The following STX18 variants were observed in gnomAD, a reference collection of about 807,000 sequenced individuals.
The protein encoded by STX18 is syntaxin-18.
A neutral mutation model predicts 50.1 loss-of-function variants in STX18; 40 were observed. That is an observed-to-expected ratio of 0.80 (90% CI 0.62 to 1.04). The LOEUF is 1.04. STX18 is among the 50% of genes least tolerant of loss of function. The pLI is 0.00. For synonymous variants in STX18, 158 were observed against 151.8 expected, an observed-to-expected ratio of 1.04 and a Z score of -0.30; for missense variants, 410 against 415.8, an observed-to-expected ratio of 0.99 and a Z score of 0.12.
upstream of STX18, chr4:4,542,104 G>T (rs558172707): frequency 5.4e-6 from 6 of 1,113,894 alleles, no homozygotes; most frequent in East Asian, 1.9e-4. Flanking sequence ...AAAGGTTCCG[G>T]CCTGCGCCCT....
intron 1 of STX18, among the ~76,000 whole-genome samples, chr4:4,512,325 C>T (rs1392144105): frequency 6.6e-6 from 1 of 151,784 alleles, no homozygotes; most frequent in Non-Finnish European, 1.5e-5. Context: ...ATTCTTTTTC[C>T]TAATTCCAAT....
chr4:4,434,272 C>T (rs1725665892), intron 7 of STX18, among the ~76,000 whole-genome samples: 1 of 152,200 alleles, frequency 6.6e-6, no homozygotes, highest in Non-Finnish European at 1.5e-5. Context: ...AGGGGCTTGG[C>T]AGACCTATCA....
intron 1 of STX18, among the ~76,000 whole-genome samples, chr4:4,490,662 GCT>G (rs1728902085): frequency 6.6e-6 from 1 of 152,016 alleles, no homozygotes; most frequent in Non-Finnish European, 1.5e-5. Context: ...GGGCACAGAG[GCT>G]CCTATAACAA....
chr4:4,532,933 G>T (rs1203255966), intron 1 of STX18, among the ~76,000 whole-genome samples: 2 of 152,056 alleles, frequency 1.3e-5, no homozygotes, highest in Admixed American at 1.3e-4. Context: ...TTGTGAAATG[G>T]AAGTGTCTCT....
chr4:4,476,610 A>G (rs1728187381), intron 1 of STX18, among the ~76,000 whole-genome samples: 1 of 152,242 alleles, frequency 6.6e-6, no homozygotes, highest in African/African-American at 2.4e-5. Context: ...ATATTTAGTG[A>G]TATTAAGGAA....
intron 1 of STX18, among the ~76,000 whole-genome samples, chr4:4,518,751 T>C (rs1175986746): frequency 6.6e-6 from 1 of 152,186 alleles, no homozygotes; most frequent in African/African-American, 2.4e-5. Flanking sequence ...AATTTGATAT[T>C]ATCTGCATCA....
At chr4:4,452,839 G>C (rs1726833732) in intron 5 of STX18, among the ~76,000 whole-genome samples, 1 of 152,206 alleles carries the variant, frequency 6.6e-6, no homozygotes, top group African/African-American at 2.4e-5. Context: ...GTGATTCATG[G>C]GAGGAGGTCA....
Position 4,438,386 on chromosome 4 carries a change from A to T in STX18, c.613+8T>A, listed in dbSNP as rs371857532. 6.2e-7 allele frequency: 1 copy of T among 1,603,206 alleles called. No homozygotes were observed. Among genetic ancestry groups the T allele is most frequent in the African/African-American group, 1.3e-5 (1 of 74,538 alleles). On this transcript the variant is annotated splice_region_variant and intron_variant, in intron 6 of 10. Coordinates refer to ENST00000306200, the MANE Select transcript of STX18 (RefSeq NM_016930.4). ...AATGCAAGGTGAGATTTTCATCTCA[A>T]TTCGTACCTGGACGTTCTTCAGTGG... is the stretch of plus-strand genomic sequence containing the variant.
chr4:4,506,630 T>A (rs1447041839), intron 1 of STX18, among the ~76,000 whole-genome samples: 1 of 151,610 alleles, frequency 6.6e-6, no homozygotes, highest in African/African-American at 2.4e-5. Context: ...AGGGAGAGAG[T>A]ACAAGACCCC....
intron 2 of STX18, among the ~76,000 whole-genome samples, chr4:4,471,110 G>A (rs1379216860): frequency 3.3e-5 from 5 of 152,180 alleles, no homozygotes. Flanking sequence ...GGTGTCAAAA[G>A]CCTGGGAGAA....
At chr4:4,515,457 T>G (rs567962786) in intron 1 of STX18, among the ~76,000 whole-genome samples, 1 of 152,172 alleles carries the variant, frequency 6.6e-6, no homozygotes, top group South Asian at 2.1e-4. Context: ...CTGGCTGTGG[T>G]GGTTCATGGT....
At chr4:4,471,160 G>A (rs1470954613) in intron 2 of STX18, among the ~76,000 whole-genome samples, 4 of 152,186 alleles carry the variant, frequency 2.6e-5, no homozygotes, top group African/African-American at 9.7e-5. Context: ...TGAGGACTGG[G>A]AATTGGCGAG....
intron 7 of STX18, chr4:4,425,957 C>T (rs940352962): frequency 2.6e-5 from 4 of 152,336 alleles, no homozygotes; most frequent in African/African-American, 9.7e-5. Context: ...AGGAACAGCT[C>T]CTTGCCCTCA....
intron 1 of STX18, among the ~76,000 whole-genome samples, chr4:4,482,683 C>A (rs1220823895): frequency 6.6e-6 from 1 of 152,226 alleles, no homozygotes; most frequent in African/African-American, 2.4e-5. Flanking sequence ...CTCTGCCCTG[C>A]ACTCTGGCAC....
intron 2 of STX18, among the ~76,000 whole-genome samples, chr4:4,459,902 A>G (rs1727290301): frequency 6.6e-6 from 1 of 152,170 alleles, no homozygotes; most frequent in Non-Finnish European, 1.5e-5. Context: ...GCACACTCCC[A>G]CCTCAGGACC....
At chr4:4,500,627 T>C (rs924201368) in intron 1 of STX18, among the ~76,000 whole-genome samples, 1 of 152,218 alleles carries the variant, frequency 6.6e-6, no homozygotes, top group South Asian at 2.1e-4. Context: ...AGTTAAACCA[T>C]ATTATATGTA....
At chr4:4,516,998 G>A (rs1477527663) in intron 1 of STX18, among the ~76,000 whole-genome samples, 3 of 152,118 alleles carry the variant, frequency 2.0e-5, no homozygotes, top group Non-Finnish European at 4.4e-5. Flanking sequence ...GAACATTTGT[G>A]GCATACTCAG....
At chr4:4,525,745 C>T (rs916592164) in intron 1 of STX18, among the ~76,000 whole-genome samples, 1 of 152,042 alleles carries the variant, frequency 6.6e-6, no homozygotes, top group Admixed American at 6.6e-5. Context: ...AACACAATCG[C>T]AGCTGAAAGG....
intron 7 of STX18, among the ~76,000 whole-genome samples, chr4:4,427,484 C>A (rs1725306940): frequency 6.6e-6 from 1 of 152,240 alleles, no homozygotes; most frequent in African/African-American, 2.4e-5. Flanking sequence ...CTAAAACATG[C>A]AGGCGCCAAT....
Sources: gnomAD v4.1 joint callset for allele counts (sites outside exome capture counted in the v4.1 genomes callset) on GRCh38, gnomAD v4.1.1 for gene constraint, MANE v1.5 for transcripts, NCBI Gene and HGNC (gene_info 2026-07-23, HGNC 2026-07-21) for gene names.